Variants in PLEKHG5 observed in about 807,000 individuals in gnomAD.
The protein encoded by PLEKHG5 is pleckstrin homology domain-containing family G member 5.
PLEKHG5 carries 52 observed loss-of-function variants against 103.8 expected under a neutral mutation model. That is an observed-to-expected ratio of 0.50 (90% confidence interval 0.40 to 0.63). The LOEUF is 0.63. PLEKHG5 is among the 30% of genes least tolerant of loss of function. The probability of loss-of-function intolerance (pLI) is 0.00; values close to 1 mark genes in which losing one functional copy is unlikely to be tolerated. For missense variants in PLEKHG5, 1,205 were observed against 1,347.6 expected, an observed-to-expected ratio of 0.89 and a Z score of 1.66; for synonymous variants, 592 against 575.5, an observed-to-expected ratio of 1.03 and a Z score of -0.41.
At chr1:6,504,314 G>A (rs761379730) in intron 1 of PLEKHG5, among the ~76,000 whole-genome samples, 7 of 151,554 alleles carry the variant, frequency 4.6e-5, no homozygotes, top group South Asian at 4.2e-4. Context: ...GCTGCCTCCC[G>A]CATCCCCACT....
intron 1 of PLEKHG5, among the ~76,000 whole-genome samples, chr1:6,489,160 C>A (rs566641735): frequency 1.1e-4 from 17 of 152,308 alleles, no homozygotes; most frequent in Admixed American, 3.3e-4. Context: ...CAAGGCTAAG[C>A]TCCCCTGGGA....
chr1:6,508,603 C>A (rs1203522423), intron 1 of PLEKHG5, among the ~76,000 whole-genome samples: 1 of 152,212 alleles, frequency 6.6e-6, no homozygotes, highest in Non-Finnish European at 1.5e-5. Flanking sequence ...GCCTTTTCCT[C>A]GGGTCTGGGG....
chr1:6,477,736 C>CT, intron 1 of PLEKHG5, 78 bp from the exon 2 acceptor site: 1 of 1,517,332 alleles, frequency 6.6e-7, no homozygotes, highest in Non-Finnish European at 9.0e-7. Context: ...GCTGCAGGGA[C>CT]TTAGAATGAA....
chr1:6,485,559 C>T, intron 1 of PLEKHG5: 1 of 1,071,582 alleles, frequency 9.3e-7, no homozygotes, highest in Non-Finnish European at 1.2e-6. Context: ...CGGGGAGGGC[C>T]GGGCCCGGAA....
chr1:6,474,443 C>A lies in PLEKHG5; in HGVS notation c.439+8G>T. ...CAGCGGCCCCATTTGGCCCAGGCTG[C>A]TTCTCACCTTTGACACGAAGGTAGT... On this transcript the variant is annotated splice_region_variant and intron_variant, in intron 6 of 20. Coordinates refer to ENST00000377728, the MANE Select transcript of PLEKHG5 (RefSeq NM_020631.6). 1 of 1,613,762 alleles carries A rather than the reference C, an allele frequency of 6.2e-7. No individual in the cohort carries two copies. Among genetic ancestry groups the A allele is most frequent in the Non-Finnish European group, 8.5e-7 (1 of 1,179,978 alleles).
chr1:6,519,525 G>C (rs534148287), exon 1 of PLEKHG5: 1 of 1,610,380 alleles, frequency 6.2e-7, no homozygotes, highest in South Asian at 1.1e-5. Context: ...TGACCTCTGC[G>C]GTGGTGGCAC....
At chr1:6,497,578 G>T (rs1645247853), upstream of PLEKHG5, among the ~76,000 whole-genome samples, 1 of 152,030 alleles carries the variant, frequency 6.6e-6, no homozygotes, top group Admixed American at 6.5e-5. The surrounding 1 kb of genome is among the most constrained non-coding windows in gnomAD (Gnocchi z 6.1). Flanking sequence ...CGGTCCGGAG[G>T]CTGCCTCCAC....
chr1:6,471,740 C>T lies in PLEKHG5; in HGVS notation c.1131+18G>A. 1 of 1,607,156 alleles carries T rather than the reference C, an allele frequency of 6.2e-7. No individual in the cohort carries two copies. Among genetic ancestry groups the T allele is most frequent in the Non-Finnish European group, 8.5e-7 (1 of 1,177,252 alleles). Reference sequence around the variant, plus strand: ...TTCCTGGTACCTCACCCGCCGCCGCCCCCGAATCCCAGCGCACCTCACACA... The same window carrying T: ...TTCCTGGTACCTCACCCGCCGCCGCTCCCGAATCCCAGCGCACCTCACACA... On this transcript the variant is annotated intron_variant, in intron 11 of 20. Transcript: ENST00000377728.
intron 1 of PLEKHG5, among the ~76,000 whole-genome samples, chr1:6,488,605 C>A (rs972583427): frequency 2.6e-5 from 4 of 152,194 alleles, no homozygotes; most frequent in African/African-American, 9.6e-5. Context: ...GGGTGGGGGA[C>A]TGTTCCTTAG....
At chr1:6,475,188 A>C (rs559401542) in intron 4 of PLEKHG5, 50 bp from the exon 5 acceptor site, 22 of 1,013,638 alleles carry the variant, frequency 2.2e-5, no homozygotes, top group East Asian at 1.4e-4. Context: ...CACCGCCCTC[A>C]TTCCCGCCCT....
Position 6,470,982 on chromosome 1 carries a change from G to C in PLEKHG5, c.1392+8C>G, listed in dbSNP as rs771832632. Reference sequence around the variant, plus strand: ...CTGCGCCCCCGCCCACGGCACGCGCGCCCTCACCGTGATGTAGGCCCGGAA... The same window carrying C: ...CTGCGCCCCCGCCCACGGCACGCGCCCCCTCACCGTGATGTAGGCCCGGAA... On this transcript the variant is annotated splice_region_variant and intron_variant, in intron 13 of 20. Coordinates refer to ENST00000377728, the MANE Select transcript of PLEKHG5 (RefSeq NM_020631.6). 6.3e-7 allele frequency: 1 copy of C among 1,590,034 alleles called. No homozygotes were observed. The highest frequency in any genetic ancestry group is 1.1e-5 in the South Asian group (1 of 87,954).
chr1:6,484,193 A>G (rs185898888), intron 1 of PLEKHG5, among the ~76,000 whole-genome samples: 1 of 152,300 alleles, frequency 6.6e-6, no homozygotes, highest in African/African-American at 2.4e-5. Context: ...GTCAGTATTC[A>G]ACAAATACGG....
intron 9 of PLEKHG5, 36 bp downstream of exon 9, chr1:6,472,950 G>T: frequency 6.3e-7 from 1 of 1,595,340 alleles, no homozygotes; most frequent in Admixed American, 1.7e-5. Context: ...CCTCCTTTCG[G>T]GACAAGGAGG....
chr1:6,469,170 C>G lies in PLEKHG5; in HGVS notation c.2121G>C (p.Glu707Asp). 6.2e-7 allele frequency: 1 copy of G among 1,613,288 alleles called. No individual in the cohort carries two copies. Among genetic ancestry groups the G allele is most frequent in the East Asian group, 2.2e-5 (1 of 44,890 alleles). ...CCTCTTCCTCCTCCTGCTCATCCTC[C>G]TCCTCTTCCAGGCTCTGCAGGGGCT... ...SQQPLQSLEE[E>D]EDEQEEEEEE... The change falls in exon 19 of 21, where the codon GAG (glutamate) becomes GAC (aspartate). Residue 707 changes from glutamate (E) to aspartate (D), a missense_variant. Glu to Asp is a conservative substitution (Grantham distance 45). Transcript: ENST00000377728.
Position 6,472,974 on chromosome 1 carries a change from G to A in PLEKHG5, c.984+12C>T, listed in dbSNP as rs1322343243. 47 of 1,612,516 alleles carry A rather than the reference G, an allele frequency of 2.9e-5. No homozygotes were observed. Among genetic ancestry groups the A allele is most frequent in the Non-Finnish European group, 3.9e-5 (46 of 1,178,650 alleles). Reference sequence around the variant, plus strand: ...GGGACAAGGAGGGAGCAGCACTGTGGCCCGCACTCACCTCATGCCCATCAA... The same window carrying A: ...GGGACAAGGAGGGAGCAGCACTGTGACCCGCACTCACCTCATGCCCATCAA... On this transcript the variant is annotated intron_variant, in intron 9 of 20. Transcript: ENST00000377728.
chr1:6,509,857 C>T (rs963366107), intron 1 of PLEKHG5, among the ~76,000 whole-genome samples: 2 of 152,210 alleles, frequency 1.3e-5, no homozygotes, highest in African/African-American at 2.4e-5. Flanking sequence ...GGGAGCCTGG[C>T]GCAGGGTGAG....
At chr1:6,497,161 C>T, upstream of PLEKHG5, 1 of 949,120 alleles carries the variant, frequency 1.1e-6, no homozygotes, top group East Asian at 2.7e-5. The surrounding 1 kb of genome is among the most constrained non-coding windows in gnomAD (Gnocchi z 6.1). Context: ...GCTGCCGAGG[C>T]AGGCCCCGAC....
rs758502344 is a variant in PLEKHG5, at chr1:6,474,548, C to T, written c.342G>A (p.Ala114=). The change falls in exon 6 of 21, where the codon GCG becomes GCA. Residue 114 remains alanine, a synonymous_variant. Transcript: ENST00000377728. The part of the protein sequence containing the change: ...LLPVFERKGI[A]LGKVDIYLDQ... ...CCAGGTAGATGTCCACTTTGCCCAG[C>T]GCAATGCCCTTCCTTTCAAATACAG... The T allele has an allele frequency of 7.4e-6, 12 of 1,613,682 alleles. No individual in the cohort carries two copies. Among genetic ancestry groups the T allele is most frequent in the South Asian group, 4.4e-5 (4 of 91,086 alleles).
chr1:6,472,894 G>T (rs933290822), intron 9 of PLEKHG5, 92 bp downstream of exon 9: 1 of 1,245,266 alleles, frequency 8.0e-7, no homozygotes, highest in Non-Finnish European at 1.2e-6. Flanking sequence ...GGCCTCTTTG[G>T]GGCGTCCCAT....
Sources: gnomAD v4.1 joint callset for allele counts (sites outside exome capture counted in the v4.1 genomes callset) on GRCh38, gnomAD v4.1.1 for gene constraint, Gnocchi (gnomAD v3.1) non-coding constraint, MANE v1.5 for transcripts, NCBI Gene and HGNC (gene_info 2026-07-23, HGNC 2026-07-21) for gene names.